Variants in NRXN1 observed in about 807,000 individuals in gnomAD.
NRXN1 encodes neurexin-1.
A neutral mutation model predicts 150.9 loss-of-function variants in NRXN1; 39 were observed. The ratio of observed to expected loss-of-function variants is 0.26; its 90% CI spans 0.20 to 0.34. The LOEUF (loss-of-function observed/expected upper bound fraction) is 0.34, where lower values mean the gene tolerates loss of function less well. NRXN1 is among the 10% of genes least tolerant of loss of function. The pLI is 1.00. For synonymous variants in NRXN1, 924 were observed against 757.0 expected (o/e 1.22, Z -3.62); for missense variants, 1,815 against 1,949.9 (o/e 0.93, Z 1.30).
rs201736112 is a variant in NRXN1 at position 51,027,471 on chromosome 2, C to G, written c.772+31G>C. 6 of 1,487,238 alleles carry G rather than the reference C, an allele frequency of 4.0e-6. No individual in the cohort carries two copies. The South Asian group carries it at 7.0e-5, about 17-fold the overall frequency. 92.1% of individuals were successfully genotyped at this position (1,487,238 alleles called of 1,614,324 possible). A position where few individuals can be genotyped will look rare whatever the true frequency, so the allele number is the denominator to read the frequency against. On this transcript the variant is annotated intron_variant, in intron 2 of 22. Coordinates refer to ENST00000401669, the MANE Select transcript of NRXN1 (RefSeq NM_001330078.2). ...TCCTCCCCGAGCCCCGCCCAGGCCC[C>G]GGCCCCCGTGGGTCGGGCGTCGGGC...
intron 2 of NRXN1, among the ~76,000 whole-genome samples, chr2:51,025,235 C>T (rs748652094): frequency 6.6e-6 from 1 of 152,118 alleles, no homozygotes; most frequent in South Asian, 2.1e-4. Context: ...CAGAAGAATC[C>T]TAATGGATTT....
chr2:50,029,012 T>C (rs1688789797), intron 21 of NRXN1, among the ~76,000 whole-genome samples: 1 of 152,206 alleles, frequency 6.6e-6, no homozygotes, highest in Admixed American at 6.5e-5. Flanking sequence ...TTTCCCCAAA[T>C]TCATATGTTG....
intron 18 of NRXN1, among the ~76,000 whole-genome samples, chr2:50,096,433 C>T (rs1487140056): frequency 2.0e-5 from 3 of 152,110 alleles, no homozygotes; most frequent in Non-Finnish European, 2.9e-5. Context: ...CTTGCCAATG[C>T]GTAATTACAA....
intron 17 of NRXN1, among the ~76,000 whole-genome samples, chr2:50,334,279 A>G (rs1232044922): frequency 6.6e-6 from 1 of 150,850 alleles, no homozygotes; most frequent in East Asian, 1.9e-4. Flanking sequence ...ACACACACGT[A>G]CATACAAAGT....
intron 5 of NRXN1, among the ~76,000 whole-genome samples, chr2:50,770,317 AATTTTAT>A (rs769946568): frequency 7.9e-5 from 12 of 151,722 alleles, no homozygotes; most frequent in Non-Finnish European, 1.0e-4. Context: ...ACACGTACAT[AATTTTAT>A]ATTTTATATA....
chr2:50,732,201 T>C (rs1022412961), intron 5 of NRXN1, among the ~76,000 whole-genome samples: 1 of 151,886 alleles, frequency 6.6e-6, no homozygotes, highest in African/African-American at 2.4e-5. Flanking sequence ...TGCCTATACA[T>C]ATGAAAAAAA....
chr2:50,382,764 C>T (rs1417412820), intron 17 of NRXN1, among the ~76,000 whole-genome samples: 1 of 152,104 alleles, frequency 6.6e-6, no homozygotes, highest in African/African-American at 2.4e-5. Context: ...AAGAGATTAG[C>T]GAGTGGGAAG....
chr2:50,736,052 T>C (rs1480813952), intron 5 of NRXN1, among the ~76,000 whole-genome samples: 4 of 152,180 alleles, frequency 2.6e-5, no homozygotes, highest in Non-Finnish European at 5.9e-5. Context: ...AACTCTTTAA[T>C]ATGACCAAAA....
intron 18 of NRXN1, among the ~76,000 whole-genome samples, chr2:50,155,731 AC>A (rs1203078376): frequency 6.6e-6 from 1 of 151,574 alleles, no homozygotes; most frequent in East Asian, 1.9e-4. Flanking sequence ...ACAGTGAAAA[AC>A]GGAAACCTCT....
intron 16 of NRXN1, among the ~76,000 whole-genome samples, chr2:50,469,468 C>T (rs568002472): frequency 8.4e-4 from 128 of 151,602 alleles, no homozygotes; most frequent in African/African-American, 2.3e-3. Flanking sequence ...TTAGGTTATA[C>T]CAAACATATG....
intron 17 of NRXN1, among the ~76,000 whole-genome samples, chr2:50,327,460 CAT>C (rs1160334424): frequency 6.6e-6 from 1 of 152,132 alleles, no homozygotes; most frequent in African/African-American, 2.4e-5. Flanking sequence ...GTAGTAAACA[CAT>C]GTGGGTATAT....
intron 17 of NRXN1, among the ~76,000 whole-genome samples, chr2:50,399,972 A>G (rs1250117188): frequency 2.6e-5 from 4 of 151,946 alleles, no homozygotes; most frequent in Non-Finnish European, 1.5e-5. Flanking sequence ...AGTCCAGGAA[A>G]GAATTGTGGT....
intron 22 of NRXN1, among the ~76,000 whole-genome samples, chr2:49,940,200 T>C (rs1671737254): frequency 6.6e-6 from 1 of 152,162 alleles, no homozygotes; most frequent in Non-Finnish European, 1.5e-5. Context: ...ATAAAGGTAA[T>C]GGTGCATCTC....
intron 21 of NRXN1, among the ~76,000 whole-genome samples, chr2:50,028,856 T>C (rs189842485): frequency 5.3e-5 from 8 of 152,332 alleles, no homozygotes; most frequent in Admixed American, 4.6e-4. Flanking sequence ...GATAAAATAA[T>C]CTTGGAATCT....
intron 17 of NRXN1, among the ~76,000 whole-genome samples, chr2:50,405,472 T>G (rs1314822187): frequency 1.3e-5 from 2 of 152,136 alleles, no homozygotes; most frequent in African/African-American, 2.4e-5. Context: ...CATTAGGATT[T>G]GCTTAGCATA....
chr2:50,729,224 G>A (rs1467992873), intron 5 of NRXN1, among the ~76,000 whole-genome samples: 1 of 152,046 alleles, frequency 6.6e-6, no homozygotes, highest in East Asian at 1.9e-4. Flanking sequence ...CTAAGAACTG[G>A]ATGATCTCTA....
At chr2:50,314,485 CA>C (rs1558508119) in intron 17 of NRXN1, among the ~76,000 whole-genome samples, 1 of 151,854 alleles carries the variant, frequency 6.6e-6, no homozygotes, top group Non-Finnish European at 1.5e-5. Flanking sequence ...TTTCATCACT[CA>C]AAAGGCCAGA....
intron 5 of NRXN1, among the ~76,000 whole-genome samples, chr2:50,775,478 T>A (rs1024859294): frequency 6.6e-6 from 1 of 152,190 alleles, no homozygotes; most frequent in Non-Finnish European, 1.5e-5. Context: ...ATAACTATTA[T>A]TGTTAGCAAG....
chr2:50,097,955 A>T (rs1573898102), intron 18 of NRXN1, among the ~76,000 whole-genome samples: 1 of 152,080 alleles, frequency 6.6e-6, no homozygotes, highest in African/African-American at 2.4e-5. Context: ...ATACATTTCT[A>T]AGTGAATTAC....
Sources: gnomAD v4.1 joint callset for allele counts (sites outside exome capture counted in the v4.1 genomes callset) on GRCh38, gnomAD v4.1.1 for gene constraint, MANE v1.5 for transcripts, NCBI Gene and HGNC (gene_info 2026-07-23, HGNC 2026-07-21) for gene names.